The following NREP variants were observed in gnomAD, a reference collection of about 807,000 sequenced individuals.
The protein encoded by NREP is neuronal regeneration-related protein.
NREP carries 5 observed loss-of-function variants against 8.6 expected under a neutral mutation model. The observed-to-expected ratio is 0.58, with a 90% CI of 0.30 to 1.22. The LOEUF (loss-of-function observed/expected upper bound fraction) is 1.22, where lower values mean the gene tolerates loss of function less well. NREP is among the 50% of genes most tolerant of loss of function. The probability of loss-of-function intolerance (pLI) is 0.07; values close to 1 mark genes in which losing one functional copy is unlikely to be tolerated. For missense variants in NREP, 86 were observed against 82.5 expected (o/e 1.04, Z -0.17); for synonymous variants, 27 against 28.0 (o/e 0.96, Z 0.11).
At chr5:111,919,732 G>C (rs1480756460) in intron 2 of NREP, among the ~76,000 whole-genome samples, 4 of 152,012 alleles carry the variant, frequency 2.6e-5, no homozygotes, top group African/African-American at 4.8e-5. Flanking sequence ...GGGGTTGAGG[G>C]ACTAGGAGAG....
At chr5:111,749,423 T>C (rs989331980) in intron 2 of NREP, among the ~76,000 whole-genome samples, 1 of 151,346 alleles carries the variant, frequency 6.6e-6, no homozygotes, top group Non-Finnish European at 1.5e-5. Context: ...TTATAAGAGA[T>C]TGCAGGAAAA....
chr5:111,832,735 G>A (rs1752802837), intron 2 of NREP, among the ~76,000 whole-genome samples: 1 of 152,342 alleles, frequency 6.6e-6, no homozygotes, highest in South Asian at 2.1e-4. Flanking sequence ...GGTCTCAGCT[G>A]CTACGCTTTC....
At chr5:111,811,260 C>A (rs1752262925) in intron 2 of NREP, among the ~76,000 whole-genome samples, 1 of 152,080 alleles carries the variant, frequency 6.6e-6, no homozygotes, top group Non-Finnish European at 1.5e-5. Flanking sequence ...TCTGAATTTG[C>A]CCCTTCTATT....
chr5:111,873,883 A>C (rs1188121556), intron 2 of NREP, among the ~76,000 whole-genome samples: 2 of 152,168 alleles, frequency 1.3e-5, no homozygotes, highest in Non-Finnish European at 2.9e-5. Flanking sequence ...TTACTCCATC[A>C]AATCTTGCAT....
chr5:111,804,857 C>G (rs1469585243), intron 2 of NREP, among the ~76,000 whole-genome samples: 1 of 152,036 alleles, frequency 6.6e-6, no homozygotes, highest in Admixed American at 6.5e-5. Context: ...AAAAATTAGA[C>G]GGGTTTGGTG....
At chr5:111,748,022 T>C (rs1303478791) in intron 2 of NREP, among the ~76,000 whole-genome samples, 1 of 152,176 alleles carries the variant, frequency 6.6e-6, no homozygotes, top group African/African-American at 2.4e-5. Flanking sequence ...TGCTGCCCGC[T>C]GGAAAAGCAC....
chr5:111,729,846 T>C lies in NREP; in HGVS notation c.*1075A>G, dbSNP rs1748393021. On this transcript the variant is annotated 3_prime_UTR_variant, in exon 4 of 4. Transcript: ENST00000257435. ...GCCTTTTAAAAAAGTATCATGATTT[T>C]GTAGACCTTGTTTTCCAATTTAATA... 6.6e-6 allele frequency: 1 copy of C among 152,660 alleles called. No individual in the cohort carries two copies. The highest frequency in any genetic ancestry group is 2.4e-5 in the African/African-American group (1 of 41,458). The allele number at this position is 152,660 out of a possible 1,614,324, so 9.5% of individuals were successfully genotyped here.
At chr5:111,817,585 C>G (rs1280804620) in intron 2 of NREP, among the ~76,000 whole-genome samples, 1 of 151,954 alleles carries the variant, frequency 6.6e-6, no homozygotes, top group Non-Finnish European at 1.5e-5. Flanking sequence ...GTGGGTGGAT[C>G]ACGAGGTCAG....
chr5:111,736,697 C>G (rs1749154461), intron 2 of NREP, among the ~76,000 whole-genome samples: 1 of 152,202 alleles, frequency 6.6e-6, no homozygotes, highest in Admixed American at 6.5e-5. Flanking sequence ...TATCTTTGCT[C>G]TACACCAGTG....
intron 2 of NREP, among the ~76,000 whole-genome samples, chr5:111,833,507 C>T (rs1265144685): frequency 6.6e-6 from 1 of 152,146 alleles, no homozygotes; most frequent in African/African-American, 2.4e-5. Flanking sequence ...GGATTAATGC[C>T]TCAGGCCAAG....
Position 111,917,455 on chromosome 5 carries a change from C to G in NREP, c.135+57819G>C, listed in dbSNP as rs138794277. Among the ~76,000 whole-genome samples, 1,488 of 152,192 alleles carry G rather than the reference C, an allele frequency of 9.8e-3. 30 individuals are homozygous for G. Among genetic ancestry groups the G allele is most frequent in the African/African-American group, 0.034 (1,420 of 41,514 alleles). On this transcript the variant is annotated intron_variant, in intron 2 of 3. Transcript: ENST00000395634. ...CCCTGCTGAACACCAATGCAAAAATCCTCAATAAAATACTGACAAACCACA... is the reference window on the plus strand; with the variant it reads ...CCCTGCTGAACACCAATGCAAAAATGCTCAATAAAATACTGACAAACCACA...
intron 2 of NREP, among the ~76,000 whole-genome samples, chr5:111,915,745 A>G (rs569123260): frequency 2.6e-5 from 4 of 152,136 alleles, no homozygotes; most frequent in African/African-American, 9.6e-5. Flanking sequence ...TGCTCTCCCT[A>G]CCTGTGATAA....
intron 2 of NREP, among the ~76,000 whole-genome samples, chr5:111,744,804 A>G (rs1380930511): frequency 6.6e-6 from 1 of 152,174 alleles, no homozygotes; most frequent in African/African-American, 2.4e-5. Context: ...CCCTAGAAAA[A>G]GAATCATCGG....
At chr5:111,862,558 T>C (rs530905097) in intron 2 of NREP, among the ~76,000 whole-genome samples, 3 of 152,188 alleles carry the variant, frequency 2.0e-5, no homozygotes, top group South Asian at 2.1e-4. Context: ...TCTCGAAAAA[T>C]TGCCTGCCTG....
chr5:111,960,417 T>C (rs1756447548), intron 2 of NREP, among the ~76,000 whole-genome samples: 1 of 152,192 alleles, frequency 6.6e-6, no homozygotes, highest in Non-Finnish European at 1.5e-5. Flanking sequence ...ATCAATTAGG[T>C]TGATTTAATT....
intron 2 of NREP, among the ~76,000 whole-genome samples, chr5:111,776,129 C>A (rs1352672524): frequency 6.6e-6 from 1 of 152,112 alleles, no homozygotes; most frequent in Non-Finnish European, 1.5e-5. Flanking sequence ...CTTTGGAGAG[C>A]AATTTGGTCA....
chr5:111,933,587 A>G (rs1278362515), intron 2 of NREP, among the ~76,000 whole-genome samples: 1 of 152,040 alleles, frequency 6.6e-6, no homozygotes, highest in Non-Finnish European at 1.5e-5. Context: ...CAGAATGACT[A>G]CATTTCTTCT....
intron 2 of NREP, among the ~76,000 whole-genome samples, chr5:111,755,099 T>C (rs1374210684): frequency 2.6e-5 from 4 of 152,224 alleles, no homozygotes; most frequent in Non-Finnish European, 5.9e-5. Flanking sequence ...GCTTTTAATG[T>C]GTATTCCTTC....
chr5:111,775,306 C>T (rs1036208196), intron 2 of NREP, among the ~76,000 whole-genome samples: 10 of 152,026 alleles, frequency 6.6e-5, no homozygotes, highest in African/African-American at 2.2e-4. Flanking sequence ...CCAAAATGAC[C>T]AAATCTTTAG....
Sources: allele counts gnomAD v4.1 joint callset (sites outside exome capture counted in the v4.1 genomes callset), GRCh38; gene constraint gnomAD v4.1.1; transcripts MANE v1.5; gene names NCBI Gene and HGNC (gene_info 2026-07-23, HGNC 2026-07-21).